ATP5MC2: variants seen among roughly 807,000 people sequenced by gnomAD.
ATP5MC2 encodes ATP synthase membrane subunit c locus 2.
Under a neutral mutation model 13.5 loss-of-function variants are expected in ATP5MC2, and 11 were observed. The observed-to-expected ratio is 0.81, with a 90% CI of 0.51 to 1.35. The LOEUF (loss-of-function observed/expected upper bound fraction) is 1.35. Ranked by LOEUF, ATP5MC2 falls within the 40% of genes most tolerant of loss-of-function variation. The pLI is 0.00. For synonymous variants in ATP5MC2, 64 were observed against 69.7 expected, an observed-to-expected ratio of 0.92 and a Z score of 0.41; for missense variants, 132 against 175.0, an observed-to-expected ratio of 0.75 and a Z score of 1.39.
At chr12:53,676,180 T>A, upstream of ATP5MC2, 1 of 1,614,124 alleles carries the variant, frequency 6.2e-7, no homozygotes, top group South Asian at 1.1e-5. Context: ...ACATACAGGA[T>A]CAGCTCAGGC....
upstream of ATP5MC2, among the ~76,000 whole-genome samples, chr12:53,679,311 A>G (rs898803516): frequency 6.6e-6 from 1 of 151,440 alleles, no homozygotes; most frequent in African/African-American, 2.4e-5. Context: ...AAGAAAAAAT[A>G]TTGCTAGAGA....
At chr12:53,680,699 T>A (rs10876482), upstream of ATP5MC2, among the ~76,000 whole-genome samples, 33,079 of 88,392 alleles carry the variant, frequency 0.37, 3,928 homozygotes, top group East Asian at 0.68. Context: ...GAAAAAAAAA[T>A]TATGAAATAT....
At chr12:53,678,544 T>C (rs1399958374), upstream of ATP5MC2, among the ~76,000 whole-genome samples, 1 of 152,234 alleles carries the variant, frequency 6.6e-6, no homozygotes, top group African/African-American at 2.4e-5. Context: ...CAAAACAAGT[T>C]ATTTTACTTG....
At chr12:53,669,033 AAAC>A (rs1945014192) in intron 4 of ATP5MC2, 112 bp downstream of exon 4, 4 of 1,366,364 alleles carry the variant, frequency 2.9e-6, no homozygotes, top group Non-Finnish European at 3.8e-6. Flanking sequence ...ACAAACAAAC[AAAC>A]AACATGTAGC....
At chr12:53,675,722 T>C (rs1945242887) in intron 1 of ATP5MC2, among the ~76,000 whole-genome samples, 3 of 151,238 alleles carry the variant, frequency 2.0e-5, no homozygotes, top group South Asian at 2.1e-4. Context: ...AGCCTGGGGG[T>C]TGTCACAATC....
chr12:53,667,932 C>A (rs1370109867), intron 4 of ATP5MC2, among the ~76,000 whole-genome samples: 5 of 134,930 alleles, frequency 3.7e-5, no homozygotes, highest in Admixed American at 7.7e-5. Flanking sequence ...TATAAACATT[C>A]TAATACATAC....
At chr12:53,673,278 C>T (rs889270233) in intron 1 of ATP5MC2, 2 of 153,124 alleles carry the variant, frequency 1.3e-5, no homozygotes, top group Non-Finnish European at 2.9e-5. Flanking sequence ...GAGACCACGC[C>T]ACTGCACTCC....
At chr12:53,667,264 T>C (rs568699672) in intron 4 of ATP5MC2, among the ~76,000 whole-genome samples, 3 of 152,214 alleles carry the variant, frequency 2.0e-5, no homozygotes, top group East Asian at 3.9e-4. Flanking sequence ...TACTAAACAG[T>C]CCCAGGTGTC....
intron 4 of ATP5MC2, 131 bp from the exon 5 acceptor site, chr12:53,665,559 C>A: frequency 2.6e-6 from 2 of 757,086 alleles, no homozygotes; most frequent in African/African-American, 1.8e-5. Flanking sequence ...TTTAGGGTAA[C>A]ACCATCATGC....
intron 3 of ATP5MC2, 98 bp downstream of exon 3, chr12:53,669,773 G>C: frequency 7.7e-7 from 1 of 1,299,870 alleles, no homozygotes; most frequent in South Asian, 1.2e-5. Context: ...ATTTTAGCCT[G>C]TGATGACTGT....
At chr12:53,669,623 T>TA (rs1429842789) in intron 3 of ATP5MC2, among the ~76,000 whole-genome samples, 1 of 152,184 alleles carries the variant, frequency 6.6e-6, no homozygotes, top group Non-Finnish European at 1.5e-5. Context: ...CTGAAGTCAG[T>TA]AGACTAGGCC....
chr12:53,677,571 T>TG (rs934385807), upstream of ATP5MC2, among the ~76,000 whole-genome samples: 2 of 150,794 alleles, frequency 1.3e-5, no homozygotes, highest in African/African-American at 4.9e-5. Context: ...GGGGAAGGAG[T>TG]GGGGAGAAAT....
At chr12:53,667,948 T>TACACAC (rs1224099084) in intron 4 of ATP5MC2, among the ~76,000 whole-genome samples, 1 of 50,428 alleles carries the variant, frequency 2.0e-5, no homozygotes, top group African/African-American at 6.5e-5. Context: ...CATACATACA[T>TACACAC]ACACACACAT....
intron 4 of ATP5MC2, 112 bp downstream of exon 4, chr12:53,669,036 C>T: frequency 7.3e-7 from 1 of 1,360,834 alleles, no homozygotes; most frequent in Non-Finnish European, 9.6e-7. Flanking sequence ...AACAAACAAA[C>T]AACATGTAGC....
chr12:53,671,438 A>G (rs1352787055), intron 2 of ATP5MC2, among the ~76,000 whole-genome samples: 2 of 152,226 alleles, frequency 1.3e-5, no homozygotes, highest in Non-Finnish European at 2.9e-5. Flanking sequence ...CGCCTCCTCT[A>G]GCTACTATTT....
chr12:53,680,818 T>C (rs1005092257), upstream of ATP5MC2, among the ~76,000 whole-genome samples: 1 of 152,206 alleles, frequency 6.6e-6, no homozygotes, highest in Non-Finnish European at 1.5e-5. Flanking sequence ...GACACAGGCG[T>C]GAACAAAGCA....
chr12:53,666,162 G>C (rs1944908357), intron 4 of ATP5MC2, among the ~76,000 whole-genome samples: 1 of 151,646 alleles, frequency 6.6e-6, no homozygotes, highest in Non-Finnish European at 1.5e-5. Context: ...ACAAAAATTA[G>C]GCCAGGCGCG....
chr12:53,675,992 A>AG, intron 1 of ATP5MC2, 61 bp downstream of exon 1: 1 of 1,587,124 alleles, frequency 6.3e-7, no homozygotes. Flanking sequence ...GCATCCGCGC[A>AG]AGGTGAGGTG....
At chr12:53,666,068 G>A (rs1397348301) in intron 4 of ATP5MC2, among the ~76,000 whole-genome samples, 2 of 152,230 alleles carry the variant, frequency 1.3e-5, no homozygotes, top group Non-Finnish European at 2.9e-5. Context: ...AGCACTTTGG[G>A]AGGCCAAAGC....
Sources: allele counts gnomAD v4.1 joint callset (sites outside exome capture counted in the v4.1 genomes callset), GRCh38; gene constraint gnomAD v4.1.1; transcripts MANE v1.5; gene names NCBI Gene and HGNC (gene_info 2026-07-23, HGNC 2026-07-21).